The following CDKAL1 variants were observed in gnomAD, a reference collection of about 807,000 sequenced individuals.
CDKAL1 encodes the protein CDKAL1 threonylcarbamoyladenosine tRNA methylthiotransferase.
CDKAL1 carries 32 observed loss-of-function variants against 68.2 expected under a neutral mutation model. The ratio of observed to expected loss-of-function variants is 0.47; its 90% CI spans 0.35 to 0.63. The LOEUF (loss-of-function observed/expected upper bound fraction) is 0.63, where lower values mean the gene tolerates loss of function less well. Ranked by LOEUF, CDKAL1 falls within the 30% of genes least tolerant of loss-of-function variation. CDKAL1 has a pLI of 0.00. For synonymous variants in CDKAL1, 234 were observed against 244.3 expected (o/e 0.96, Z 0.39); for missense variants, 606 against 696.7 (o/e 0.87, Z 1.47).
intron 9 of CDKAL1, among the ~76,000 whole-genome samples, chr6:20,894,165 T>C (rs1761553538): frequency 6.6e-6 from 1 of 152,048 alleles, no homozygotes; most frequent in African/African-American, 2.4e-5. Context: ...GACAGCCTGA[T>C]GCATTAATTT....
intron 5 of CDKAL1, among the ~76,000 whole-genome samples, chr6:20,711,846 A>G (rs1327556827): frequency 6.6e-6 from 1 of 152,204 alleles, no homozygotes; most frequent in Non-Finnish European, 1.5e-5. Context: ...CAGTAAAGAG[A>G]GGAATTCCTC....
At chr6:21,119,476 A>T (rs917668868) in intron 13 of CDKAL1, among the ~76,000 whole-genome samples, 22 of 152,162 alleles carry the variant, frequency 1.4e-4, no homozygotes, top group African/African-American at 5.1e-4. Flanking sequence ...TCAACACCCA[A>T]AGCAGTTCTT....
At chr6:21,178,058 A>G (rs1296718284) in intron 13 of CDKAL1, among the ~76,000 whole-genome samples, 2 of 152,130 alleles carry the variant, frequency 1.3e-5, no homozygotes, top group Non-Finnish European at 2.9e-5. Flanking sequence ...TCTTTAGTCT[A>G]TCAACTATGT....
intron 4 of CDKAL1, among the ~76,000 whole-genome samples, chr6:20,603,529 T>C (rs1766196326): frequency 6.6e-6 from 1 of 152,106 alleles, no homozygotes; most frequent in African/African-American, 2.4e-5. Context: ...ATGGACCATT[T>C]GAGTGAAGAA....
intron 10 of CDKAL1, among the ~76,000 whole-genome samples, chr6:20,955,933 T>G (rs891464053): frequency 3.3e-5 from 5 of 152,198 alleles, no homozygotes; most frequent in African/African-American, 1.2e-4. Context: ...TGTGTTGCAT[T>G]AATTTCGCAA....
chr6:20,776,804 A>G, intron 7 of CDKAL1, among the ~76,000 whole-genome samples: 1 of 152,202 alleles, frequency 6.6e-6, no homozygotes, highest in Non-Finnish European at 1.5e-5. Flanking sequence ...AACTTTGGAT[A>G]AAAACAGTGT....
chr6:20,913,896 A>G (rs928577729), intron 9 of CDKAL1, among the ~76,000 whole-genome samples: 1 of 152,216 alleles, frequency 6.6e-6, no homozygotes, highest in Non-Finnish European at 1.5e-5. Context: ...AGGCTGAGGC[A>G]GGAAGGATTG....
At chr6:20,648,061 C>T (rs1581891543) in intron 4 of CDKAL1, among the ~76,000 whole-genome samples, 1 of 140,012 alleles carries the variant, frequency 7.1e-6, no homozygotes, top group African/African-American at 2.7e-5. Context: ...GGTGACAGAG[C>T]GAGACTCTGT....
chr6:21,159,101 CTT>C (rs10645059), intron 13 of CDKAL1, among the ~76,000 whole-genome samples: 5 of 135,792 alleles, frequency 3.7e-5, no homozygotes, highest in Non-Finnish European at 4.7e-5. Flanking sequence ...CTGAAACCTC[CTT>C]TTTTTTTTTT....
intron 4 of CDKAL1, among the ~76,000 whole-genome samples, chr6:20,557,107 A>C (rs1050865442): frequency 3.3e-5 from 5 of 151,406 alleles, no homozygotes; most frequent in Non-Finnish European, 7.4e-5. Flanking sequence ...TAAATACATA[A>C]ATAAATAAAA....
intron 15 of CDKAL1, among the ~76,000 whole-genome samples, chr6:21,202,417 T>TG (rs1452881549): frequency 1.3e-5 from 2 of 152,086 alleles, no homozygotes; most frequent in Admixed American, 6.5e-5. Context: ...AAATTGTACT[T>TG]GGGGGATAGT....
intron 4 of CDKAL1, among the ~76,000 whole-genome samples, chr6:20,625,719 A>G (rs1767399225): frequency 6.6e-6 from 1 of 152,122 alleles, no homozygotes; most frequent in South Asian, 2.1e-4. Flanking sequence ...TTGACAGTCA[A>G]TGAATTGCTT....
intron 13 of CDKAL1, among the ~76,000 whole-genome samples, chr6:21,155,279 G>T (rs1776593922): frequency 6.6e-6 from 1 of 151,564 alleles, no homozygotes. Flanking sequence ...ATTATATTAT[G>T]TGTCATCAGC....
intron 13 of CDKAL1, among the ~76,000 whole-genome samples, chr6:21,109,603 C>T (rs928825429): frequency 7.2e-5 from 11 of 152,180 alleles, no homozygotes; most frequent in Non-Finnish European, 1.6e-4. Flanking sequence ...ATTTTTCAAG[C>T]TAAATCAGTC....
chr6:20,966,992 C>CT (rs768954853), intron 10 of CDKAL1, among the ~76,000 whole-genome samples: 25 of 152,252 alleles, frequency 1.6e-4, no homozygotes, highest in Non-Finnish European at 2.6e-4. Context: ...TTTGGGAACT[C>CT]TGAGAGAGAA....
At chr6:21,042,805 T>TCC (rs2150897641) in intron 11 of CDKAL1, among the ~76,000 whole-genome samples, 1 of 152,340 alleles carries the variant, frequency 6.6e-6, no homozygotes, top group Admixed American at 6.5e-5. Context: ...CCCAAACTTC[T>TCC]ATATGCTGGT....
Position 21,202,396 on chromosome 6 carries a change from TA to T in CDKAL1, c.1548+1135del, listed in dbSNP as rs113704566. On this transcript the variant is annotated intron_variant, in intron 15 of 15. Transcript: ENST00000274695. The stretch of plus-strand genomic sequence containing the variant: ...ATAACCATTCATTTTTGCTGTTTAT[TA>T]AAAAAAAAAAAATTGTACTTGGGGG... Among the ~76,000 whole-genome samples, 247 of 146,684 alleles carry T rather than the reference TA, an allele frequency of 1.7e-3. 1 individual carries two copies. In the Middle Eastern group the frequency reaches 0.032, roughly 19 times the overall value.
intron 13 of CDKAL1, among the ~76,000 whole-genome samples, chr6:21,155,261 C>T (rs34116986): frequency 0.33 from 50,523 of 151,394 alleles, 8,709 homozygotes; most frequent in African/African-American, 0.42. Flanking sequence ...AGTTTTTTTT[C>T]CCCCCGAATT....
chr6:20,828,334 T>C (rs1159148773), intron 8 of CDKAL1, among the ~76,000 whole-genome samples: 1 of 152,066 alleles, frequency 6.6e-6, no homozygotes, highest in Non-Finnish European at 1.5e-5. Context: ...GATCAATCAA[T>C]TCTTGTGCCT....
Sources: gnomAD v4.1 joint callset for allele counts (sites outside exome capture counted in the v4.1 genomes callset) on GRCh38, gnomAD v4.1.1 for gene constraint, MANE v1.5 for transcripts, NCBI Gene and HGNC (gene_info 2026-07-23, HGNC 2026-07-21) for gene names.